Variants in STXBP6 observed in about 807,000 individuals in gnomAD.
STXBP6 encodes syntaxin-binding protein 6.
In STXBP6, 21 loss-of-function variants were observed where a neutral mutation model predicts 26.9. That is an observed-to-expected ratio of 0.78 (90% CI 0.55 to 1.12). The LOEUF (loss-of-function observed/expected upper bound fraction) is 1.12. Among genes scored for constraint, STXBP6 ranks in the 50% most tolerant of loss-of-function variants. STXBP6 has a pLI of 0.00. For missense variants in STXBP6, 232 were observed against 257.9 expected (o/e 0.90, Z 0.69); for synonymous variants, 97 against 92.6 (o/e 1.05, Z -0.27).
chr14:24,824,938 C>T (rs1223598764), intron 4 of STXBP6, among the ~76,000 whole-genome samples: 5 of 152,180 alleles, frequency 3.3e-5, no homozygotes, highest in Non-Finnish European at 7.3e-5. Context: ...GAATTGACTC[C>T]AAAGCTCTTA....
At chr14:24,994,152 ACTTGGTACCAGGAGTAGTT>A (rs1240048205) in intron 1 of STXBP6, among the ~76,000 whole-genome samples, 5 of 152,212 alleles carry the variant, frequency 3.3e-5, no homozygotes, top group Middle Eastern at 3.2e-3. Context: ...CTCATGAAGT[ACTTGGTACCAGGAGTAGTT>A]CTGAAGAAAG....
At chr14:24,864,756 T>C (rs2069661110) in intron 2 of STXBP6, among the ~76,000 whole-genome samples, 1 of 152,162 alleles carries the variant, frequency 6.6e-6, no homozygotes, top group African/African-American at 2.4e-5. Context: ...GCATAAGCTG[T>C]CAAATATAAT....
intron 2 of STXBP6, among the ~76,000 whole-genome samples, chr14:24,899,249 A>C (rs1439998301): frequency 6.6e-6 from 1 of 152,248 alleles, no homozygotes; most frequent in African/African-American, 2.4e-5. Flanking sequence ...TTAGACAAAA[A>C]GTCAATAGTA....
chr14:24,955,306 T>G (rs1193906173), intron 2 of STXBP6, among the ~76,000 whole-genome samples: 1 of 151,674 alleles, frequency 6.6e-6, no homozygotes, highest in African/African-American at 2.4e-5. Flanking sequence ...TCACCAGGAG[T>G]CCCACATCTG....
intron 1 of STXBP6, among the ~76,000 whole-genome samples, chr14:25,019,416 T>C (rs1231307014): frequency 6.6e-6 from 1 of 152,200 alleles, no homozygotes; most frequent in Non-Finnish European, 1.5e-5. Flanking sequence ...GTAAATTACA[T>C]AGACAAACAA....
chr14:24,829,045 GAATA>G (rs1222202645), intron 4 of STXBP6, among the ~76,000 whole-genome samples: 3 of 152,134 alleles, frequency 2.0e-5, no homozygotes, highest in African/African-American at 7.2e-5. Flanking sequence ...CACCTTGGGA[GAATA>G]AACCAGGCCC....
chr14:24,839,459 A>C (rs528223673), intron 4 of STXBP6, among the ~76,000 whole-genome samples: 1 of 152,262 alleles, frequency 6.6e-6, no homozygotes, highest in East Asian at 1.9e-4. Context: ...TAGTCTCCTA[A>C]TCAAAATTTA....
At chr14:24,846,765 T>C (rs186368516) in intron 4 of STXBP6, among the ~76,000 whole-genome samples, 3 of 152,314 alleles carry the variant, frequency 2.0e-5, no homozygotes, top group East Asian at 1.9e-4. Flanking sequence ...TCCTACAAAT[T>C]TGAAGTTTTC....
At chr14:24,851,320 T>C (rs576718178) in intron 4 of STXBP6, among the ~76,000 whole-genome samples, 4 of 151,822 alleles carry the variant, frequency 2.6e-5, no homozygotes, top group African/African-American at 9.7e-5. Flanking sequence ...ATGTGCCATG[T>C]TGGTGTGCTG....
intron 1 of STXBP6, among the ~76,000 whole-genome samples, chr14:25,046,278 A>C (rs988536560): frequency 6.6e-6 from 1 of 152,238 alleles, no homozygotes; most frequent in Non-Finnish European, 1.5e-5. Context: ...CCCTACTTAT[A>C]CTAAGTGGGA....
At chr14:24,874,020 G>A (rs1464179768) in intron 2 of STXBP6, among the ~76,000 whole-genome samples, 2 of 152,138 alleles carry the variant, frequency 1.3e-5, no homozygotes, top group Non-Finnish European at 2.9e-5. Flanking sequence ...AATGAGATAA[G>A]GGAAGCATTT....
chr14:24,951,078 T>G (rs527397919), intron 2 of STXBP6, among the ~76,000 whole-genome samples: 1 of 152,316 alleles, frequency 6.6e-6, no homozygotes, highest in Non-Finnish European at 1.5e-5. Context: ...CTCATCCTTT[T>G]TTATGGCTGC....
intron 2 of STXBP6, among the ~76,000 whole-genome samples, chr14:24,965,286 A>G (rs1303473687): frequency 2.2e-5 from 3 of 137,892 alleles, no homozygotes; most frequent in Admixed American, 7.4e-5. Flanking sequence ...TTTGCTTCAC[A>G]TGACATGGGT....
intron 2 of STXBP6, among the ~76,000 whole-genome samples, chr14:24,971,335 CT>C (rs1361840663): frequency 1.6e-4 from 25 of 152,158 alleles, no homozygotes; most frequent in African/African-American, 5.6e-4. Context: ...ATACTTCTCC[CT>C]TTTTTAAAAT....
chr14:25,045,728 C>T (rs560978163), intron 1 of STXBP6, among the ~76,000 whole-genome samples: 3 of 151,904 alleles, frequency 2.0e-5, no homozygotes, highest in South Asian at 2.1e-4. Context: ...CTCAGCCTCC[C>T]GAGTAGCTGG....
intron 1 of STXBP6, among the ~76,000 whole-genome samples, chr14:25,041,331 A>C (rs1259047687): frequency 6.6e-6 from 1 of 152,116 alleles, no homozygotes; most frequent in Non-Finnish European, 1.5e-5. Flanking sequence ...AAATAAATAC[A>C]TAAATAAATA....
intron 2 of STXBP6, among the ~76,000 whole-genome samples, chr14:24,940,930 G>T (rs2072780042): frequency 6.6e-6 from 1 of 152,100 alleles, no homozygotes; most frequent in Non-Finnish European, 1.5e-5. Context: ...GCTGAGAATT[G>T]CTTGAACCCA....
intron 2 of STXBP6, among the ~76,000 whole-genome samples, chr14:24,918,852 T>G (rs2071873024): frequency 6.6e-6 from 1 of 152,090 alleles, no homozygotes; most frequent in African/African-American, 2.4e-5. Context: ...AATTTTGTTC[T>G]AAACCAAGAG....
intron 1 of STXBP6, among the ~76,000 whole-genome samples, chr14:25,019,174 A>C (rs1184339970): frequency 2.0e-5 from 3 of 152,242 alleles, no homozygotes; most frequent in Non-Finnish European, 2.9e-5. Flanking sequence ...TATAATGCTT[A>C]TCAGAAACTT....
Sources: gnomAD v4.1 joint callset for allele counts (sites outside exome capture counted in the v4.1 genomes callset) on GRCh38, gnomAD v4.1.1 for gene constraint, MANE v1.5 for transcripts, NCBI Gene and HGNC (gene_info 2026-07-23, HGNC 2026-07-21) for gene names.